The following TASP1 variants were observed in gnomAD, a reference collection of about 807,000 sequenced individuals.
The protein encoded by TASP1 is taspase 1.
In TASP1, 16 loss-of-function variants were observed where a neutral mutation model predicts 56.6. That is an observed-to-expected ratio of 0.28 (90% CI 0.19 to 0.43). TASP1 has a LOEUF of 0.43. Ranked by LOEUF, TASP1 falls within the 20% of genes least tolerant of loss-of-function variation. The pLI is 1.00. For synonymous variants in TASP1, 179 were observed against 184.2 expected, an observed-to-expected ratio of 0.97 and a Z score of 0.23; for missense variants, 393 against 511.6, an observed-to-expected ratio of 0.77 and a Z score of 2.24.
chr20:13,229,374 G>A, the TASP1 span, among the ~76,000 whole-genome samples: 3,008 of 152,178 alleles, frequency 0.02, 41 homozygotes, highest in Non-Finnish European at 0.022. Context: ...TTCCATTACC[G>A]TAGATTAGTT....
chr20:13,230,115 C>T, the TASP1 span, among the ~76,000 whole-genome samples: 1 of 152,170 alleles, frequency 6.6e-6, no homozygotes, highest in Non-Finnish European at 1.5e-5. Context: ...CCTCAGATGT[C>T]TATTCATTTG....
chr20:13,572,557 G>A (rs1026509888), intron 6 of TASP1, among the ~76,000 whole-genome samples: 3 of 151,864 alleles, frequency 2.0e-5, no homozygotes, highest in East Asian at 1.9e-4. Context: ...GTGATGGCAC[G>A]CACCTGTAAT....
chr20:13,634,589 G>A (rs2049220355), intron 1 of TASP1, among the ~76,000 whole-genome samples: 1 of 152,010 alleles, frequency 6.6e-6, no homozygotes, highest in African/African-American at 2.4e-5. Context: ...AATTAGCTGG[G>A]TGCGGTGGCG....
the TASP1 span, among the ~76,000 whole-genome samples, chr20:13,357,176 T>A: frequency 2.0e-5 from 3 of 147,326 alleles, no homozygotes; most frequent in South Asian, 4.1e-4. Flanking sequence ...GAGTATGGGA[T>A]GGCAGAAAAA....
chr20:13,621,939 G>A (rs1199288325), intron 4 of TASP1, among the ~76,000 whole-genome samples: 1 of 152,138 alleles, frequency 6.6e-6, no homozygotes, highest in African/African-American at 2.4e-5. Context: ...GTTAGATGAA[G>A]CCCTCTTTGT....
the TASP1 span, among the ~76,000 whole-genome samples, chr20:13,322,190 C>G: frequency 6.6e-6 from 1 of 152,324 alleles, no homozygotes; most frequent in Admixed American, 6.5e-5. Flanking sequence ...TAGATGACTT[C>G]CAATTTGACA....
intron 11 of TASP1, among the ~76,000 whole-genome samples, chr20:13,482,318 T>C (rs1401804849): frequency 6.6e-6 from 1 of 152,118 alleles, no homozygotes; most frequent in East Asian, 1.9e-4. Context: ...GTTACTATAA[T>C]ATAATCTGAA....
the TASP1 span, among the ~76,000 whole-genome samples, chr20:13,265,833 G>T: frequency 6.6e-6 from 1 of 151,976 alleles, no homozygotes; most frequent in Non-Finnish European, 1.5e-5. Flanking sequence ...TAAGATTAAT[G>T]ATAACAGTAA....
the TASP1 span, among the ~76,000 whole-genome samples, chr20:13,148,430 G>A: frequency 6.6e-5 from 10 of 152,132 alleles, no homozygotes; most frequent in Admixed American, 2.0e-4. Flanking sequence ...GGGTGGGGTC[G>A]ACAGGGAGGT....
the TASP1 span, among the ~76,000 whole-genome samples, chr20:13,216,474 C>T: frequency 6.6e-6 from 1 of 152,104 alleles, no homozygotes; most frequent in Non-Finnish European, 1.5e-5. Context: ...CACAGCTATA[C>T]CCATTCCTTC....
the TASP1 span, among the ~76,000 whole-genome samples, chr20:13,311,818 T>G: frequency 6.6e-6 from 1 of 152,170 alleles, no homozygotes; most frequent in Non-Finnish European, 1.5e-5. Flanking sequence ...GAAATGTTAG[T>G]TAAAGTGTAC....
At chr20:13,427,703 T>TG (rs2042666021) in intron 12 of TASP1, among the ~76,000 whole-genome samples, 1 of 152,200 alleles carries the variant, frequency 6.6e-6, no homozygotes, top group Non-Finnish European at 1.5e-5. Context: ...TTCTTAGGCT[T>TG]GGTGGCAGGT....
the TASP1 span, among the ~76,000 whole-genome samples, chr20:13,232,692 A>T: frequency 6.6e-6 from 1 of 152,328 alleles, no homozygotes; most frequent in Non-Finnish European, 1.5e-5. Flanking sequence ...TTAGCTTATT[A>T]AGAAATTCTG....
chr20:13,467,566 C>T (rs1021775751), intron 11 of TASP1, among the ~76,000 whole-genome samples: 4 of 151,994 alleles, frequency 2.6e-5, no homozygotes, highest in African/African-American at 4.8e-5. Context: ...ATATTGGCTT[C>T]TATATTGATA....
the TASP1 span, among the ~76,000 whole-genome samples, chr20:13,359,006 C>T: frequency 1.3e-5 from 2 of 150,628 alleles, no homozygotes; most frequent in African/African-American, 2.5e-5. Flanking sequence ...ACCCCTCAAC[C>T]CCTTCTCCTT....
At chr20:13,282,476 G>C in the TASP1 span, among the ~76,000 whole-genome samples, 5 of 152,178 alleles carry the variant, frequency 3.3e-5, no homozygotes, top group Admixed American at 3.3e-4. Flanking sequence ...TGAGCATTAA[G>C]AACACCCCCT....
chr20:13,106,279 T>G, the TASP1 span, among the ~76,000 whole-genome samples: 1 of 152,334 alleles, frequency 6.6e-6, no homozygotes, highest in African/African-American at 2.4e-5. Flanking sequence ...AGGTAATGAT[T>G]GAGCCTAGTA....
intron 4 of TASP1, among the ~76,000 whole-genome samples, chr20:13,590,682 A>G (rs892549797): frequency 8.6e-5 from 13 of 151,978 alleles, no homozygotes; most frequent in Middle Eastern, 6.3e-3. Flanking sequence ...CCTGGCCAAC[A>G]TGGTGAAACC....
At chr20:13,374,440 C>T in the TASP1 span, among the ~76,000 whole-genome samples, 12 of 152,016 alleles carry the variant, frequency 7.9e-5, no homozygotes, top group East Asian at 5.8e-4. Context: ...CTCTGCCTCC[C>T]GGGGTTCACA....
Sources: allele counts gnomAD v4.1 joint callset (sites outside exome capture counted in the v4.1 genomes callset), GRCh38; gene constraint gnomAD v4.1.1; transcripts MANE v1.5; gene names NCBI Gene and HGNC (gene_info 2026-07-23, HGNC 2026-07-21).